DCC: variants seen among roughly 807,000 people sequenced by gnomAD.
DCC encodes the protein netrin receptor DCC.
In DCC, 58 loss-of-function variants were observed where a neutral mutation model predicts 172.5. The observed-to-expected ratio is 0.34, with a 90% CI of 0.27 to 0.42. DCC has a LOEUF of 0.42. Among genes scored for constraint, DCC ranks in the 10% least tolerant of loss-of-function variants. DCC has a pLI of 1.00. For synonymous variants in DCC, 709 were observed against 644.5 expected, an observed-to-expected ratio of 1.10 and a Z score of -1.52; for missense variants, 1,740 against 1,791.0, an observed-to-expected ratio of 0.97 and a Z score of 0.51.
At position 53,340,423 on chromosome 18, in the gene DCC, A is replaced by G. The variant is rs946194753; in HGVS notation, c.2359+516A>G. On this transcript the variant is annotated intron_variant, in intron 15 of 28. Transcript: ENST00000442544. ...AAGGCTGTGTCATTATGACTGCAAA[A>G]GAAGATGAAAGAAGGAATTTTCAGT... 2.0e-5 allele frequency among the ~76,000 whole-genome samples: 3 copies of G among 152,144 alleles called. No individual in the cohort carries two copies. In the East Asian group the frequency reaches 5.8e-4, roughly 29 times the overall value.
intron 1 of DCC, among the ~76,000 whole-genome samples, chr18:52,731,092 T>C (rs1187994855): frequency 6.6e-6 from 1 of 152,198 alleles, no homozygotes; most frequent in African/African-American, 2.4e-5. Context: ...GCACTGAGCC[T>C]GTGTTTGTGT....
In DCC at chr18:52,649,189, C is replaced by A. The variant is rs962123783; in HGVS notation, c.92-102865C>A. ...GAGATCGAGACCATACTGGCTAACA[C>A]GGTAAAACCCCGTCTCTACTAAAAA... On this transcript the variant is annotated intron_variant, in intron 1 of 28. Transcript: ENST00000442544. 6.6e-5 allele frequency among the ~76,000 whole-genome samples: 10 copies of A among 151,782 alleles called. No homozygotes were observed. The East Asian group carries it at 1.9e-3, about 30-fold the overall frequency.
intron 2 of DCC, among the ~76,000 whole-genome samples, chr18:52,764,270 CTG>C (rs1320453242): frequency 6.6e-6 from 1 of 152,198 alleles, no homozygotes; most frequent in African/African-American, 2.4e-5. Context: ...CGAGTTGACA[CTG>C]TTAATGAATA....
chr18:52,432,641 C>A (rs1444662687), intron 1 of DCC, among the ~76,000 whole-genome samples: 1 of 152,116 alleles, frequency 6.6e-6, no homozygotes, highest in Non-Finnish European at 1.5e-5. Context: ...ATAAATGGTT[C>A]TTTAATTCAA....
chr18:53,186,320 G>C (rs2055282053), intron 9 of DCC, among the ~76,000 whole-genome samples: 1 of 152,210 alleles, frequency 6.6e-6, no homozygotes, highest in African/African-American at 2.4e-5. Flanking sequence ...TCCCTAAGTA[G>C]ATCTGATTTG....
intron 1 of DCC, among the ~76,000 whole-genome samples, chr18:52,441,237 G>T (rs866595150): frequency 1.3e-5 from 2 of 152,146 alleles, no homozygotes; most frequent in African/African-American, 4.8e-5. Context: ...AATTCTTACA[G>T]CATGATACTG....
At chr18:52,908,445 C>T (rs1257378315) in intron 3 of DCC, among the ~76,000 whole-genome samples, 1 of 152,174 alleles carries the variant, frequency 6.6e-6, no homozygotes, top group Middle Eastern at 3.2e-3. Context: ...TTTATATTCA[C>T]ATATTATTAA....
intron 5 of DCC, among the ~76,000 whole-genome samples, chr18:53,040,486 C>G (rs1299834459): frequency 6.6e-6 from 1 of 151,944 alleles, no homozygotes; most frequent in Non-Finnish European, 1.5e-5. Context: ...ATCAGAAGCT[C>G]TGGGTGTGAA....
chr18:52,920,255 C>A (rs1399054614), intron 3 of DCC, among the ~76,000 whole-genome samples: 2 of 151,792 alleles, frequency 1.3e-5, no homozygotes, highest in Non-Finnish European at 2.9e-5. Flanking sequence ...ACAAAAGATA[C>A]TTTTAAAAGA....
intron 1 of DCC, among the ~76,000 whole-genome samples, chr18:52,721,204 G>T (rs760820572): frequency 6.6e-6 from 1 of 152,112 alleles, no homozygotes; most frequent in Non-Finnish European, 1.5e-5. Flanking sequence ...CAACAGGACC[G>T]TATGGCAATG....
At chr18:53,060,847 G>GT (rs749252866) in intron 5 of DCC, among the ~76,000 whole-genome samples, 2 of 151,934 alleles carry the variant, frequency 1.3e-5, no homozygotes, top group Non-Finnish European at 2.9e-5. Flanking sequence ...TCAATCATTT[G>GT]TTTTTTGAGA....
At chr18:52,683,961 C>A (rs2035789409) in intron 1 of DCC, among the ~76,000 whole-genome samples, 1 of 152,014 alleles carries the variant, frequency 6.6e-6, no homozygotes. Flanking sequence ...ATCTTAGGAA[C>A]CTCTAGTTTC....
chr18:53,426,483 T>C (rs1018164238), intron 21 of DCC, among the ~76,000 whole-genome samples: 1 of 147,012 alleles, frequency 6.8e-6, no homozygotes, highest in Non-Finnish European at 1.5e-5. Context: ...TATTTTTATA[T>C]ATGTATATTT....
intron 8 of DCC, among the ~76,000 whole-genome samples, chr18:53,164,454 C>T (rs55755356): frequency 0.016 from 2,502 of 152,182 alleles, 80 homozygotes; most frequent in African/African-American, 0.057. Context: ...TTATACCTCT[C>T]ACTTGTAACT....
intron 5 of DCC, among the ~76,000 whole-genome samples, chr18:52,993,776 C>A (rs1195464281): frequency 6.6e-6 from 1 of 151,678 alleles, no homozygotes; most frequent in Non-Finnish European, 1.5e-5. Flanking sequence ...GAATAAGTAA[C>A]TAATAGTTCT....
Position 52,414,785 on chromosome 18 carries a change from T to G in DCC, c.91+73907T>G, listed in dbSNP as rs374467602. On this transcript the variant is annotated intron_variant, in intron 1 of 28. Coordinates refer to ENST00000442544, the MANE Select transcript of DCC (RefSeq NM_005215.4). ...TTTAATTATAGGAGCACTATAAAAT[T>G]TTCTCATTCTGTGTTGCGTGAAAAA... 1.1e-4 allele frequency among the ~76,000 whole-genome samples: 16 copies of G among 152,308 alleles called. No homozygotes were observed. The South Asian group carries it at 3.3e-3, about 32-fold the overall frequency.
chr18:52,444,668 A>G (rs936771578), intron 1 of DCC, among the ~76,000 whole-genome samples: 4 of 152,328 alleles, frequency 2.6e-5, no homozygotes, highest in Admixed American at 6.5e-5. Flanking sequence ...GGCCTAGAGT[A>G]GTATTAAACC....
At chr18:52,915,912 A>G (rs1192848722) in intron 3 of DCC, among the ~76,000 whole-genome samples, 1 of 152,130 alleles carries the variant, frequency 6.6e-6, no homozygotes, top group Non-Finnish European at 1.5e-5. Context: ...TTCTCAAAGT[A>G]TGGTAGATAC....
intron 14 of DCC, among the ~76,000 whole-genome samples, chr18:53,328,252 C>A (rs541932186): frequency 6.6e-6 from 1 of 152,188 alleles, no homozygotes; most frequent in East Asian, 1.9e-4. Flanking sequence ...AGTTGCTTGA[C>A]TTTTTTCTAA....
Sources: allele counts gnomAD v4.1 joint callset (sites outside exome capture counted in the v4.1 genomes callset), GRCh38; gene constraint gnomAD v4.1.1; transcripts MANE v1.5; gene names NCBI Gene and HGNC (gene_info 2026-07-23, HGNC 2026-07-21).